Variants in SHISA9 observed in about 807,000 individuals in gnomAD.
The protein encoded by SHISA9 is protein shisa-9.
Under a neutral mutation model 38.0 loss-of-function variants are expected in SHISA9, and 13 were observed. The ratio of observed to expected loss-of-function variants is 0.34; its 90% CI spans 0.22 to 0.54. The LOEUF (loss-of-function observed/expected upper bound fraction) is 0.54. Among genes scored for constraint, SHISA9 ranks in the 20% least tolerant of loss-of-function variants. The pLI, the probability that SHISA9 is intolerant of heterozygous loss-of-function variation, is 0.91. For synonymous variants in SHISA9, 275 were observed against 242.0 expected (o/e 1.14, Z -1.27); for missense variants, 538 against 575.8 (o/e 0.93, Z 0.67).
rs533915644 is a variant in SHISA9 at position 12,976,390 on chromosome 16, C to G, written c.691+59575C>G. Reference sequence around the variant, plus strand: ...ACAGGCATGAGCCACCATGCCTGGCCAAACTCGTTAATTTTTTATGGGTGT... The same window carrying G: ...ACAGGCATGAGCCACCATGCCTGGCGAAACTCGTTAATTTTTTATGGGTGT... On this transcript the variant is annotated intron_variant, in intron 2 of 4. Coordinates refer to ENST00000558583, the MANE Select transcript of SHISA9 (RefSeq NM_001145204.3). 2.2e-3 allele frequency among the ~76,000 whole-genome samples: 336 copies of G among 152,270 alleles called. 2 individuals are homozygous for G. Among genetic ancestry groups the G allele is most frequent in the African/African-American group, 7.4e-3 (308 of 41,572 alleles).
At chr16:13,404,937 T>G in the SHISA9 span, among the ~76,000 whole-genome samples, 1 of 152,152 alleles carries the variant, frequency 6.6e-6, no homozygotes, top group Non-Finnish European at 1.5e-5. Flanking sequence ...CTGGACACAG[T>G]CATAGATGTG....
At chr16:13,157,947 C>T (rs1326145829) in intron 2 of SHISA9, among the ~76,000 whole-genome samples, 2 of 152,188 alleles carry the variant, frequency 1.3e-5, no homozygotes, top group Non-Finnish European at 2.9e-5. Context: ...GACTCATCTC[C>T]AGGGTTCTTA....
chr16:13,303,298 C>T, the SHISA9 span, among the ~76,000 whole-genome samples: 5 of 152,118 alleles, frequency 3.3e-5, no homozygotes, highest in East Asian at 1.9e-4. Context: ...GCTGTATTCA[C>T]AATGGGCAAA....
At chr16:13,188,168 C>T (rs956970478) in intron 2 of SHISA9, among the ~76,000 whole-genome samples, 1 of 152,116 alleles carries the variant, frequency 6.6e-6, no homozygotes, top group Non-Finnish European at 1.5e-5. Flanking sequence ...ACACACACTC[C>T]AAAAAAGAGC....
the SHISA9 span, among the ~76,000 whole-genome samples, chr16:13,405,286 T>A: frequency 1.6e-4 from 24 of 152,310 alleles, no homozygotes; most frequent in Non-Finnish European, 3.1e-4. Context: ...GACCCCTTCA[T>A]GCCCTTAATT....
chr16:12,903,635 G>C (rs927910647), intron 1 of SHISA9, among the ~76,000 whole-genome samples: 1 of 152,246 alleles, frequency 6.6e-6, no homozygotes, highest in African/African-American at 2.4e-5. Flanking sequence ...GGGTTGGCGT[G>C]AGGTCCGGGC....
chr16:13,058,655 C>G (rs1485182161), intron 2 of SHISA9, among the ~76,000 whole-genome samples: 2 of 152,126 alleles, frequency 1.3e-5, no homozygotes, highest in African/African-American at 4.8e-5. Context: ...GGAAAAGTGT[C>G]ATCTTTCGAG....
chr16:13,226,275 C>A (rs2051278497), intron 4 of SHISA9, among the ~76,000 whole-genome samples: 1 of 152,204 alleles, frequency 6.6e-6, no homozygotes, highest in Non-Finnish European at 1.5e-5. Context: ...TAACCTCTAA[C>A]CACCTCCTTG....
At chr16:13,131,439 G>T (rs1295965609) in intron 2 of SHISA9, among the ~76,000 whole-genome samples, 4 of 152,082 alleles carry the variant, frequency 2.6e-5, no homozygotes, top group African/African-American at 9.7e-5. Context: ...CATGGCAGGG[G>T]TGGACAACAC....
At chr16:13,012,022 TG>T (rs1017951562) in intron 2 of SHISA9, among the ~76,000 whole-genome samples, 1 of 152,048 alleles carries the variant, frequency 6.6e-6, no homozygotes, top group African/African-American at 2.4e-5. Context: ...GGCAGGGTTT[TG>T]CCATGTTGGC....
intron 2 of SHISA9, among the ~76,000 whole-genome samples, chr16:13,202,674 ACAT>A (rs1403320631): frequency 6.6e-6 from 1 of 152,160 alleles, no homozygotes; most frequent in Non-Finnish European, 1.5e-5. Context: ...CATACTATGT[ACAT>A]CATATGTATT....
chr16:12,922,693 T>C (rs2071343390), intron 2 of SHISA9, among the ~76,000 whole-genome samples: 1 of 152,152 alleles, frequency 6.6e-6, no homozygotes, highest in Non-Finnish European at 1.5e-5. Context: ...TTGATTTTTG[T>C]ATTTTTAATA....
At chr16:13,462,590 G>C in the SHISA9 span, among the ~76,000 whole-genome samples, 1 of 152,204 alleles carries the variant, frequency 6.6e-6, no homozygotes, top group Non-Finnish European at 1.5e-5. Context: ...TTGGGAGGCA[G>C]AGGCAGGCAG....
intron 2 of SHISA9, among the ~76,000 whole-genome samples, chr16:13,019,839 CT>C (rs1567183902): frequency 2.1e-5 from 1 of 48,554 alleles, no homozygotes. Context: ...TTTCTTTTTC[CT>C]TCCTTCCCTC....
chr16:13,374,102 T>C, the SHISA9 span, among the ~76,000 whole-genome samples: 4 of 152,228 alleles, frequency 2.6e-5, no homozygotes, highest in African/African-American at 7.2e-5. Flanking sequence ...TCTCATCACG[T>C]TGGCCAGCAT....
At chr16:13,486,635 A>G in the SHISA9 span, among the ~76,000 whole-genome samples, 1 of 152,238 alleles carries the variant, frequency 6.6e-6, no homozygotes, top group Non-Finnish European at 1.5e-5. Flanking sequence ...TGCATATAAA[A>G]ATCTACTCTA....
intron 4 of SHISA9, among the ~76,000 whole-genome samples, chr16:13,231,834 C>A (rs982379647): frequency 2.6e-5 from 4 of 152,160 alleles, no homozygotes; most frequent in Non-Finnish European, 2.9e-5. Flanking sequence ...CAAGGGTTTC[C>A]GTCTGTGGCC....
At chr16:13,389,490 T>C in the SHISA9 span, among the ~76,000 whole-genome samples, 11 of 152,226 alleles carry the variant, frequency 7.2e-5, no homozygotes, top group African/African-American at 2.7e-4. Flanking sequence ...TATTATGCTG[T>C]ACATCTTAAA....
chr16:13,341,779 A>G, the SHISA9 span, among the ~76,000 whole-genome samples: 1 of 152,208 alleles, frequency 6.6e-6, no homozygotes, highest in Non-Finnish European at 1.5e-5. Context: ...GGAAACATTG[A>G]TAACAACATG....
Sources: allele counts gnomAD v4.1 joint callset (sites outside exome capture counted in the v4.1 genomes callset), GRCh38; gene constraint gnomAD v4.1.1; transcripts MANE v1.5; gene names NCBI Gene and HGNC (gene_info 2026-07-23, HGNC 2026-07-21).